Variants in EP400 observed in about 807,000 individuals in gnomAD.
EP400 encodes the protein E1A binding protein p400.
EP400 carries 105 observed loss-of-function variants against 354.1 expected under a neutral mutation model. The observed-to-expected ratio is 0.30, with a 90% CI of 0.25 to 0.35. EP400 has a LOEUF of 0.35. EP400 is among the 10% of genes least tolerant of loss of function. The probability of loss-of-function intolerance (pLI) is 1.00; values close to 1 mark genes in which losing one functional copy is unlikely to be tolerated. For missense variants in EP400, 3,280 were observed against 4,121.0 expected (o/e 0.80, Z 5.59); for synonymous variants, 1,646 against 1,716.9 (o/e 0.96, Z 1.02).
rs771048582 is a variant in EP400 at position 132,062,613 on chromosome 12, C to T, written c.8246C>T (p.Thr2749Met). The change falls in exon 47 of 53, where the codon ACG becomes ATG. Residue 2749 changes from threonine to methionine, a missense_variant. Transcript: ENST00000389561. ...QQQQQQQQQQ[T>M]TTTSQVQVPQ... Reference sequence around the variant, plus strand: ...CAGCAACAGCAGCAGCAGCAACAGACGACGACGACCTCTCAGGTGCAAGTT... The same window carrying T: ...CAGCAACAGCAGCAGCAGCAACAGATGACGACGACCTCTCAGGTGCAAGTT... 1.1e-5 allele frequency: 17 copies of T among 1,598,252 alleles called. No homozygotes were observed. Among genetic ancestry groups the T allele is most frequent in the Admixed American group, 5.0e-5 (3 of 59,556 alleles).
In EP400 at chr12:132,077,805, T is replaced by A. The variant is rs1482254558; in HGVS notation, c.*132T>A. The A allele has an allele frequency of 6.0e-6, 7 of 1,161,002 alleles. No homozygotes were observed. The Admixed American group carries it at 2.0e-4, about 34-fold the overall frequency. 71.9% of individuals were successfully genotyped at this position (1,161,002 alleles called of 1,614,324 possible). A position where few individuals can be genotyped will look rare whatever the true frequency, so the allele number is the denominator to read the frequency against. ...GAAAGATATAATTGAAACAAAATAGTGTAATCATTTTATTAAAATGCATCC... is the reference window on the plus strand; with the variant it reads ...GAAAGATATAATTGAAACAAAATAGAGTAATCATTTTATTAAAATGCATCC... On this transcript the variant is annotated 3_prime_UTR_variant, in exon 53 of 53. Transcript: ENST00000389561.
chr12:132,059,026 T>G (rs1895605118), intron 45 of EP400, among the ~76,000 whole-genome samples: 1 of 152,014 alleles, frequency 6.6e-6, no homozygotes, highest in South Asian at 2.1e-4. Flanking sequence ...AGAACTGAAG[T>G]TATTGGATAA....
At position 131,979,728 on chromosome 12, in the gene EP400, C is replaced by T. The variant is rs750624420; in HGVS notation, c.1370C>T (p.Ala457Val). 1.9e-6 allele frequency: 3 copies of T among 1,609,340 alleles called. No homozygotes were observed. The African/African-American group carries it at 4.0e-5, about 22-fold the overall frequency. The stretch of plus-strand genomic sequence containing the variant: ...CTCGCAGGGAGCCTGGTAGCAGGGG[C>T]CGGAAGCACAGTAGAGACGGACCTG... ...QALAGSLVAG[A>V]GSTVETDLFK... The change falls in exon 3 of 53, where the codon GCC (alanine) becomes GTC (valine). Residue 457 changes from alanine (A) to valine (V), a missense_variant. Ala to Val is a moderately conservative substitution (Grantham distance 64). Around this residue, in one of 20 missense-constraint regions of EP400, gnomAD observed 800 missense variants for 840.0 expected, o/e 0.95. Transcript: ENST00000389561.
In EP400 at chr12:132,078,397, G is replaced by C. The variant is rs556702230; in HGVS notation, c.*724G>C. The C allele has an allele frequency of 6.6e-6, 1 of 152,302 alleles. No individual in the cohort carries two copies. The highest frequency in any genetic ancestry group is 2.4e-5 in the African/African-American group (1 of 41,468). 9.4% of individuals were successfully genotyped at this position (152,302 alleles called of 1,614,324 possible). A position where few individuals can be genotyped will look rare whatever the true frequency, so the allele number is the denominator to read the frequency against. ...CAGGCCCTACCCTGCAATGGGATTC[G>C]CTTTCATTTAATGGAAACTTCTGGG... is the stretch of plus-strand genomic sequence containing the variant. On this transcript the variant is annotated 3_prime_UTR_variant, in exon 53 of 53. Coordinates refer to ENST00000389561, the MANE Select transcript of EP400 (RefSeq NM_015409.5).
rs1215577568 is a variant in EP400, at chr12:132,027,850, C to T, written c.5110-167C>T. ...TCGGCTTCATTTCCATCTCTATTTC[C>T]TGTAGCTCTCGGCTTCATTTCTATC... is the stretch of plus-strand genomic sequence containing the variant. On this transcript the variant is annotated intron_variant, in intron 26 of 52. Transcript: ENST00000389561. The surrounding 1 kb of genome is among the most constrained non-coding windows in gnomAD (Gnocchi z 4.9). Among the ~76,000 whole-genome samples the T allele has an allele frequency of 6.6e-6, 1 of 152,118 alleles. No individual in the cohort carries two copies. The highest frequency in any genetic ancestry group is 1.5e-5 in the Non-Finnish European group (1 of 68,030).
intron 47 of EP400, 23 bp downstream of exon 47, chr12:132,062,724 T>C: frequency 1.9e-6 from 3 of 1,610,644 alleles, no homozygotes; most frequent in Middle Eastern, 1.7e-4. Flanking sequence ...CAGAGGACCA[T>C]GAACGTGTGC....
intron 52 of EP400, among the ~76,000 whole-genome samples, chr12:132,076,915 C>T (rs972311528): frequency 3.3e-5 from 5 of 152,248 alleles, no homozygotes; most frequent in Admixed American, 3.3e-4. Flanking sequence ...GCAGGCTCCG[C>T]TCGGGGCCCG....
intron 21 of EP400, 108 bp from the exon 22 acceptor site, chr12:132,019,941 C>T (rs1894070407): frequency 8.1e-7 from 1 of 1,228,550 alleles, no homozygotes; most frequent in Non-Finnish European, 1.1e-6. Context: ...GTGCTGGTCC[C>T]TGAGCTGGCT....
chr12:132,069,265 C>T, intron 50 of EP400: 1 of 548,662 alleles, frequency 1.8e-6, no homozygotes, highest in South Asian at 3.2e-5. Flanking sequence ...AGGCAACGGC[C>T]AGGCCTCCTG....
intron 25 of EP400, among the ~76,000 whole-genome samples, chr12:132,026,876 G>T (rs139968471): frequency 6.6e-5 from 10 of 152,196 alleles, no homozygotes; most frequent in African/African-American, 9.7e-5. Flanking sequence ...AAAGTCTGCC[G>T]CACTAAGTGG....
chr12:131,955,504 A>T (rs1593306693), intron 1 of EP400, among the ~76,000 whole-genome samples: 1 of 150,984 alleles, frequency 6.6e-6, no homozygotes, highest in South Asian at 2.1e-4. Flanking sequence ...CTGGTCTTGA[A>T]CTCCGGACCT....
intron 48 of EP400, 67 bp downstream of exon 48, chr12:132,064,953 C>CTT: frequency 6.5e-7 from 1 of 1,526,992 alleles, no homozygotes; most frequent in Non-Finnish European, 8.8e-7. Context: ...AGCTGTTGCG[C>CTT]TTGCTCAGGT....
At position 131,971,118 on chromosome 12, in the gene EP400, C is replaced by T. The variant is rs556443015; in HGVS notation, c.1336-8576C>T. ...ATTCAGAAGGCTGAGGCGGGAAGAT[C>T]GCTTGAGCCCAGGAGGTTGAGGCTG... On this transcript the variant is annotated intron_variant, in intron 2 of 52. Coordinates refer to ENST00000389561, the MANE Select transcript of EP400 (RefSeq NM_015409.5). Among the ~76,000 whole-genome samples the T allele has an allele frequency of 4.6e-5, 7 of 152,214 alleles. No homozygotes were observed. In the South Asian group the frequency reaches 6.2e-4, roughly 14 times the overall value.
rs758155879 is a variant in EP400 at position 131,994,692 on chromosome 12, A to G, written c.2738-175A>G. Among the ~76,000 whole-genome samples the G allele has an allele frequency of 6.6e-5, 10 of 152,172 alleles. No individual in the cohort carries two copies. The highest frequency in any genetic ancestry group is 1.3e-4 in the Non-Finnish European group (9 of 68,018). ...ATTCACAGCCTGAAGTGGAAGGGGA[A>G]ATACACTTCCAGTTTCCTGCCCATT... On this transcript the variant is annotated intron_variant, in intron 11 of 52. Coordinates refer to ENST00000389561, the MANE Select transcript of EP400 (RefSeq NM_015409.5). This position sits in a 1 kb window ranked among gnomAD's most constrained non-coding sequence, Gnocchi z 4.6.
In EP400 at chr12:132,053,365, C is replaced by T; in HGVS notation, c.7496C>T (p.Ala2499Val). 1.9e-6 allele frequency: 3 copies of T among 1,576,074 alleles called. No individual in the cohort carries two copies. Among genetic ancestry groups the T allele is most frequent in the Non-Finnish European group, 8.6e-7 (1 of 1,169,064 alleles). ...EKKALADQQK[A>V]QQPAVAQPPP... ...CAGGCTCTGGCTGATCAGCAGAAGG[C>T]ACAGCAGCCGGCCGTGGCCCAGCCA... is the stretch of plus-strand genomic sequence containing the variant. Residue 2499 changes from alanine (A) to valine (V), a missense_variant, in exon 43 of 53, where the codon GCA becomes GTA. By Grantham distance (64) the Ala-to-Val change is moderately conservative (BLOSUM62 0). Around this residue, in one of 20 missense-constraint regions of EP400, gnomAD observed 255 missense variants for 295.9 expected, o/e 0.86. Coordinates refer to ENST00000389561, the MANE Select transcript of EP400 (RefSeq NM_015409.5).
At chr12:132,064,617 A>G (rs777613313) in intron 47 of EP400, 51 bp from the exon 48 acceptor site, 1 of 1,582,840 alleles carries the variant, frequency 6.3e-7, no homozygotes, top group Non-Finnish European at 8.6e-7. Context: ...GTCTACTTAA[A>G]GAATGGAGCA....
At chr12:131,976,320 G>C (rs543201846) in intron 2 of EP400, among the ~76,000 whole-genome samples, 3 of 152,082 alleles carry the variant, frequency 2.0e-5, no homozygotes, top group Non-Finnish European at 4.4e-5. Flanking sequence ...GTTTGAATTG[G>C]ATTTTGTACA....
intron 2 of EP400, among the ~76,000 whole-genome samples, chr12:131,974,815 C>T (rs1803808925): frequency 1.3e-5 from 2 of 151,804 alleles, no homozygotes; most frequent in South Asian, 4.2e-4. Context: ...TAGTGAAACC[C>T]CATCTGTACT....
intron 11 of EP400, among the ~76,000 whole-genome samples, chr12:131,993,173 C>T (rs1360698333): frequency 2.6e-5 from 4 of 152,118 alleles, no homozygotes; most frequent in Admixed American, 6.5e-5. Flanking sequence ...ACTACAGGTG[C>T]GGACTACTAC....
Sources: gnomAD v4.1 joint callset for allele counts (sites outside exome capture counted in the v4.1 genomes callset) on GRCh38, gnomAD v4.1.1 for gene constraint, gnomAD v4.1.1 regional missense constraint, Gnocchi (gnomAD v3.1) non-coding constraint, MANE v1.5 for transcripts, NCBI Gene and HGNC (gene_info 2026-07-23, HGNC 2026-07-21) for gene names.